GJC1: variants seen among roughly 807,000 people sequenced by gnomAD.
GJC1 encodes gap junction gamma-1 protein.
Under a neutral mutation model 29.3 loss-of-function variants are expected in GJC1, and 5 were observed. The ratio of observed to expected loss-of-function variants is 0.17; its 90% confidence interval spans 0.09 to 0.36. GJC1 has a LOEUF of 0.36. Among genes scored for constraint, GJC1 ranks in the 10% least tolerant of loss-of-function variants. GJC1 has a pLI of 1.00. For synonymous variants in GJC1, 177 were observed against 183.3 expected, an observed-to-expected ratio of 0.97 and a Z score of 0.28; for missense variants, 310 against 496.2, an observed-to-expected ratio of 0.62 and a Z score of 3.56.
At chr17:44,822,766 A>T (rs985466925) in intron 1 of GJC1, among the ~76,000 whole-genome samples, 1 of 152,120 alleles carries the variant, frequency 6.6e-6, no homozygotes, top group African/African-American at 2.4e-5. Flanking sequence ...CACTTTGGAC[A>T]ACACAATTCA....
At chr17:44,811,683 G>A (rs1489024358) in intron 1 of GJC1, among the ~76,000 whole-genome samples, 1 of 151,936 alleles carries the variant, frequency 6.6e-6, no homozygotes, top group African/African-American at 2.4e-5. Context: ...CACTATGCCT[G>A]GCCTCTTTCT....
downstream of GJC1, among the ~76,000 whole-genome samples, chr17:44,797,380 T>C (rs1040195547): frequency 2.6e-5 from 4 of 152,186 alleles, no homozygotes; most frequent in African/African-American, 9.6e-5. Context: ...TGTATGTTAA[T>C]AGCATTCCTG....
intron 1 of GJC1, among the ~76,000 whole-genome samples, chr17:44,815,928 A>G (rs1013079777): frequency 9.9e-5 from 15 of 151,904 alleles, no homozygotes; most frequent in Non-Finnish European, 1.5e-5. Flanking sequence ...CCTGGCTAAC[A>G]AGGTGAAACC....
In GJC1 at chr17:44,804,565, T is replaced by C. The variant is rs2049889462; in HGVS notation, c.*62A>G. 8.9e-6 allele frequency: 11 copies of C among 1,237,924 alleles called. No individual in the cohort carries two copies. The highest frequency in any genetic ancestry group is 2.3e-5 in the East Asian group (1 of 43,018). The allele number at this position is 1,237,924 out of a possible 1,614,324, so 76.7% of individuals were successfully genotyped here. The stretch of plus-strand genomic sequence containing the variant: ...CCAAATGTTTACTCAATGGAAGTCA[T>C]TATTCAGTGAGCTGCTGCTTACCAT... On this transcript the variant is annotated 3_prime_UTR_variant, in exon 3 of 3. Coordinates refer to ENST00000592524, the MANE Select transcript of GJC1 (RefSeq NM_005497.4).
chr17:44,794,930 T>G (rs1303197165), downstream of GJC1: 1 of 152,112 alleles, frequency 6.6e-6, no homozygotes, highest in Non-Finnish European at 1.5e-5. Context: ...TAGCTTAGAG[T>G]AGGCATAGCA....
chr17:44,820,075 T>C (rs544124134), intron 1 of GJC1, among the ~76,000 whole-genome samples: 12 of 152,232 alleles, frequency 7.9e-5, no homozygotes, highest in African/African-American at 2.4e-4. Context: ...CTCTATCATA[T>C]GGTAATTTTT....
chr17:44,813,951 T>C (rs2050013218), intron 1 of GJC1, among the ~76,000 whole-genome samples: 1 of 152,146 alleles, frequency 6.6e-6, no homozygotes, highest in Non-Finnish European at 1.5e-5. Context: ...TAACAAAGCA[T>C]TAAGGATTGG....
chr17:44,823,545 T>C (rs1440205956), intron 1 of GJC1, among the ~76,000 whole-genome samples: 1 of 151,090 alleles, frequency 6.6e-6, no homozygotes, highest in Non-Finnish European at 1.5e-5. Flanking sequence ...CCACCGTACC[T>C]AGCCTCTTTC....
chr17:44,826,329 G>A (rs577513033), intron 1 of GJC1, among the ~76,000 whole-genome samples: 78 of 152,164 alleles, frequency 5.1e-4, no homozygotes, highest in Middle Eastern at 3.4e-3. Context: ...TCAGGAGATC[G>A]AGACCATCCT....
At chr17:44,796,338 G>A (rs1208477645), downstream of GJC1, among the ~76,000 whole-genome samples, 3 of 152,046 alleles carry the variant, frequency 2.0e-5, no homozygotes, top group Non-Finnish European at 2.9e-5. Context: ...AGTCAAGGAT[G>A]GCACACTCTT....
Position 44,805,823 on chromosome 17 carries a change from T to C in GJC1, c.-6A>G, listed in dbSNP as rs936763942. 33 of 1,553,684 alleles carry C rather than the reference T, an allele frequency of 2.1e-5. No individual in the cohort carries two copies. Among genetic ancestry groups the C allele is most frequent in the Non-Finnish European group, 2.6e-5 (29 of 1,128,956 alleles). ...GTCAGGAAGCTCCAACTCATGGTGATTGAATTGGTATGCCCTGATAAAAGT... is the reference window on the plus strand; with the variant it reads ...GTCAGGAAGCTCCAACTCATGGTGACTGAATTGGTATGCCCTGATAAAAGT... On this transcript the variant is annotated 5_prime_UTR_variant, in exon 3 of 3. Transcript: ENST00000592524. The surrounding 1 kb of genome is among the most constrained non-coding windows in gnomAD (Gnocchi z 5.1).
chr17:44,805,518 G>A lies in GJC1; in HGVS notation c.300C>T (p.Ala100=). The A allele has an allele frequency of 6.2e-7, 1 of 1,614,162 alleles. No homozygotes were observed. The highest frequency in any genetic ancestry group is 8.5e-7 in the Non-Finnish European group (1 of 1,180,040). ...MYLGYAIHKI[A]KMEHGEADKK... Reference sequence around the variant, plus strand: ...TGTCTGCTTCACCGTGCTCCATTTTGGCAATCTTGTGGATAGCATAGCCCA... The same window carrying A: ...TGTCTGCTTCACCGTGCTCCATTTTAGCAATCTTGTGGATAGCATAGCCCA... Residue 100 remains alanine (A), a synonymous_variant, in exon 3 of 3, where the codon GCC becomes GCT. Transcript: ENST00000592524. This position sits in a 1 kb window ranked among gnomAD's most constrained non-coding sequence, Gnocchi z 5.1.
chr17:44,811,388 CTTT>C (rs573359174), intron 1 of GJC1, among the ~76,000 whole-genome samples: 5 of 128,042 alleles, frequency 3.9e-5, no homozygotes, highest in Non-Finnish European at 3.4e-5. Context: ...GGCCTTTTTT[CTTT>C]TTTTTTTTTT....
chr17:44,824,662 T>C (rs749325202), intron 1 of GJC1, among the ~76,000 whole-genome samples: 10 of 151,788 alleles, frequency 6.6e-5, no homozygotes, highest in Non-Finnish European at 1.0e-4. Flanking sequence ...TCAGTCAAAT[T>C]AGCCAGGCGT....
upstream of GJC1, among the ~76,000 whole-genome samples, chr17:44,830,411 A>G (rs1173760307): frequency 6.6e-6 from 1 of 151,856 alleles, no homozygotes; most frequent in Non-Finnish European, 1.5e-5. This position sits in a 1 kb window ranked among gnomAD's most constrained non-coding sequence, Gnocchi z 4.3. Flanking sequence ...AAGCGACGCG[A>G]GCGCCAACTT....
At chr17:44,815,796 C>A (rs1422295221) in intron 1 of GJC1, among the ~76,000 whole-genome samples, 1 of 151,900 alleles carries the variant, frequency 6.6e-6, no homozygotes, top group African/African-American at 2.4e-5. Flanking sequence ...TTTATAGAAT[C>A]GTATCAATTC....
chr17:44,829,217 C>A (rs994160201), intron 1 of GJC1, among the ~76,000 whole-genome samples: 1 of 151,906 alleles, frequency 6.6e-6, no homozygotes, highest in Non-Finnish European at 1.5e-5. Context: ...AAAAGTACTC[C>A]CAATCAGACA....
At chr17:44,811,802 G>A (rs918713775) in intron 1 of GJC1, among the ~76,000 whole-genome samples, 1 of 151,936 alleles carries the variant, frequency 6.6e-6, no homozygotes, top group Non-Finnish European at 1.5e-5. Flanking sequence ...TCGGGAGTTC[G>A]AGACTGGCCT....
Position 44,798,770 on chromosome 17 carries a change from A to C in GJC1, c.*5857T>G, listed in dbSNP as rs1567702469. 6.6e-6 allele frequency: 1 copy of C among 152,240 alleles called. No homozygotes were observed. The highest frequency in any genetic ancestry group is 1.5e-5 in the Non-Finnish European group (1 of 68,048). The allele number at this position is 152,240 out of a possible 1,614,324, so 9.4% of individuals were successfully genotyped here. On this transcript the variant is annotated 3_prime_UTR_variant, in exon 3 of 3. Coordinates refer to ENST00000592524, the MANE Select transcript of GJC1 (RefSeq NM_005497.4). ...TAGTGCCTGAGGTAGAGATTTCTGTAAGAGATTTTTTTAAAACACAATTGA... is the reference window on the plus strand; with the variant it reads ...TAGTGCCTGAGGTAGAGATTTCTGTCAGAGATTTTTTTAAAACACAATTGA...
Sources: gnomAD v4.1 joint callset for allele counts (sites outside exome capture counted in the v4.1 genomes callset) on GRCh38, gnomAD v4.1.1 for gene constraint, Gnocchi (gnomAD v3.1) non-coding constraint, MANE v1.5 for transcripts, NCBI Gene and HGNC (gene_info 2026-07-23, HGNC 2026-07-21) for gene names.